Variants in FMN1 observed in about 807,000 individuals in gnomAD.
FMN1 encodes formin 1.
Under a neutral mutation model 132.4 loss-of-function variants are expected in FMN1, and 110 were observed. The ratio of observed to expected loss-of-function variants is 0.83; its 90% CI spans 0.71 to 0.97. FMN1 has a LOEUF of 0.97. Among genes scored for constraint, FMN1 ranks in the 50% least tolerant of loss-of-function variants. The probability of loss-of-function intolerance (pLI) is 0.00; values close to 1 mark genes in which losing one functional copy is unlikely to be tolerated. For missense variants in FMN1, 1,792 were observed against 1,705.3 expected, an observed-to-expected ratio of 1.05 and a Z score of -0.90; for synonymous variants, 722 against 651.7, an observed-to-expected ratio of 1.11 and a Z score of -1.64.
rs1426709798 is a variant in FMN1 at position 33,154,170 on chromosome 15, C to T, written c.745G>A (p.Gly249Ser). 1 of 1,536,358 alleles carries T rather than the reference C, an allele frequency of 6.5e-7. No individual in the cohort carries two copies. The highest frequency in any genetic ancestry group is 2.4e-5 in the East Asian group (1 of 40,912). ...AAAGCCGTCTCAAAGCTCCCAAAGC[C>T]AAGGTCTGTGTCTGGCGTCTTGGGA... ...DIPKTPDTDL[G>S]FGSFETAFKD... The change falls in exon 4 of 21, where the codon GGC (glycine) becomes AGC (serine). Residue 249 changes from glycine (G) to serine (S), a missense_variant. Physicochemically the swap from Gly to Ser is moderately conservative, Grantham distance 56. Transcript: ENST00000616417.
chr15:33,101,492 G>A (rs1215595952), intron 4 of FMN1, among the ~76,000 whole-genome samples: 3 of 151,986 alleles, frequency 2.0e-5, no homozygotes, highest in African/African-American at 7.3e-5. Flanking sequence ...AATGTTTTAA[G>A]CAAAGTTTAT....
In FMN1 at chr15:33,058,496, G is replaced by A. The variant is rs535031412; in HGVS notation, c.2161+6461C>T. On this transcript the variant is annotated intron_variant, in intron 6 of 20. Transcript: ENST00000616417. The stretch of plus-strand genomic sequence containing the variant: ...CTACACAAACTGTGGCTCAATGAAC[G>A]GTAGTTGAATGAACCTCACCTTAAC... Among the ~76,000 whole-genome samples the A allele has an allele frequency of 4.1e-4, 63 of 152,262 alleles. 1 individual carries two copies. In the South Asian group the frequency reaches 7.9e-3, roughly 19 times the overall value.
chr15:33,083,213 G>A (rs192912630), intron 5 of FMN1, among the ~76,000 whole-genome samples: 65 of 152,280 alleles, frequency 4.3e-4, no homozygotes, highest in Admixed American at 3.8e-3. Flanking sequence ...AGCCATAGAA[G>A]TAGTAATAAT....
intron 6 of FMN1, among the ~76,000 whole-genome samples, chr15:33,026,860 C>T (rs909083226): frequency 2.6e-5 from 4 of 152,138 alleles, no homozygotes; most frequent in Non-Finnish European, 4.4e-5. Context: ...GGAGACAGGA[C>T]ACTTGCATTT....
At chr15:33,174,412 T>C (rs892858479) in intron 3 of FMN1, among the ~76,000 whole-genome samples, 2 of 152,186 alleles carry the variant, frequency 1.3e-5, no homozygotes, top group Non-Finnish European at 2.9e-5. Flanking sequence ...AAAGAGCATA[T>C]GCTTGGATGA....
rs2056283472 is a variant in FMN1, at chr15:32,772,537, G to A, written c.*1773C>T. On this transcript the variant is annotated 3_prime_UTR_variant, in exon 21 of 21. Transcript: ENST00000616417. ...ACTATGTAAGAAAGCAGCATAAAAA[G>A]CTTCTTGCTCACAAGCAACTTCAAG... 6.6e-6 allele frequency: 1 copy of A among 152,216 alleles called. No homozygotes were observed. Among genetic ancestry groups the A allele is most frequent in the Admixed American group, 6.5e-5 (1 of 15,276 alleles). The allele number at this position is 152,216 out of a possible 1,614,324, so 9.4% of individuals were successfully genotyped here.
intron 9 of FMN1, among the ~76,000 whole-genome samples, chr15:32,960,905 GA>G (rs1168986635): frequency 2.2e-5 from 3 of 135,676 alleles, no homozygotes; most frequent in Non-Finnish European, 4.6e-5. Flanking sequence ...TGAAGCAGGA[GA>G]ATTGCTTGAA....
At chr15:32,815,099 C>T (rs956296006) in intron 17 of FMN1, among the ~76,000 whole-genome samples, 27 of 152,180 alleles carry the variant, frequency 1.8e-4, no homozygotes, top group Non-Finnish European at 3.2e-4. Context: ...CCCGCCACCA[C>T]GCCCGGCTAA....
At chr15:33,007,557 C>A (rs1212520527) in intron 7 of FMN1, among the ~76,000 whole-genome samples, 2 of 152,112 alleles carry the variant, frequency 1.3e-5, no homozygotes, top group East Asian at 3.9e-4. Flanking sequence ...GCTCAGAACT[C>A]CTCCTCCTCC....
At position 32,918,329 on chromosome 15, in the gene FMN1, T is replaced by C. The variant is rs188868487; in HGVS notation, c.3227-7794A>G. On this transcript the variant is annotated intron_variant, in intron 10 of 20. Coordinates refer to ENST00000616417, the MANE Select transcript of FMN1 (RefSeq NM_001277313.2). ...AGATAAAAAAAAAATCAAGAGACTATAGTATAGTTTATAATCTTATCTAAA... is the reference window on the plus strand; with the variant it reads ...AGATAAAAAAAAAATCAAGAGACTACAGTATAGTTTATAATCTTATCTAAA... Among the ~76,000 whole-genome samples, 325 of 152,186 alleles carry C rather than the reference T, an allele frequency of 2.1e-3. 1 individual carries two copies. The highest frequency in any genetic ancestry group is 3.4e-3 in the Non-Finnish European group (230 of 68,000).
intron 6 of FMN1, among the ~76,000 whole-genome samples, chr15:33,029,422 G>A (rs144462127): frequency 6.6e-6 from 1 of 152,090 alleles, no homozygotes; most frequent in Non-Finnish European, 1.5e-5. Flanking sequence ...GAGGGAGATG[G>A]AAAATACTTG....
chr15:32,918,265 C>T lies in FMN1; in HGVS notation c.3227-7730G>A, dbSNP rs372314898. Among the ~76,000 whole-genome samples, 24 of 152,018 alleles carry T rather than the reference C, an allele frequency of 1.6e-4. No individual in the cohort carries two copies. In the South Asian group the frequency reaches 2.5e-3, roughly 16 times the overall value. On this transcript the variant is annotated intron_variant, in intron 10 of 20. Transcript: ENST00000616417. ...GACTAACAAGGAAAACTAAGGCACA[C>T]AGCACACGAAGAAACACAAACAAAA...
At chr15:32,905,113 C>T (rs749973681) in intron 12 of FMN1, among the ~76,000 whole-genome samples, 1 of 152,180 alleles carries the variant, frequency 6.6e-6, no homozygotes, top group Non-Finnish European at 1.5e-5. Flanking sequence ...GCTAATACTT[C>T]TAGGAAGGAC....
chr15:32,960,514 A>T (rs117571765), intron 9 of FMN1, among the ~76,000 whole-genome samples: 1,568 of 152,344 alleles, frequency 0.01, 9 homozygotes, highest in Admixed American at 0.017. Context: ...CAACACAATT[A>T]CAGTGACCTT....
intron 6 of FMN1, among the ~76,000 whole-genome samples, chr15:33,013,240 A>C (rs1022046292): frequency 6.6e-6 from 1 of 152,234 alleles, no homozygotes; most frequent in Non-Finnish European, 1.5e-5. Context: ...AAAAGAGTTA[A>C]GGACCATATT....
intron 19 of FMN1, among the ~76,000 whole-genome samples, chr15:32,794,331 T>A (rs532102263): frequency 2.8e-4 from 42 of 152,200 alleles, no homozygotes; most frequent in African/African-American, 9.9e-4. Flanking sequence ...CATTATGGGG[T>A]TTTTAAATGG....
At chr15:32,957,689 G>C (rs2840060) in intron 9 of FMN1, among the ~76,000 whole-genome samples, 2 of 152,036 alleles carry the variant, frequency 1.3e-5, no homozygotes, top group Non-Finnish European at 1.5e-5. Context: ...TTTCACATTA[G>C]TTCATAAACT....
At chr15:32,863,265 A>C (rs558968841) in intron 16 of FMN1, among the ~76,000 whole-genome samples, 1 of 151,978 alleles carries the variant, frequency 6.6e-6, no homozygotes. Flanking sequence ...GTGAAACCCC[A>C]TCTCTACTAA....
At chr15:32,974,303 C>G (rs1450112) in intron 7 of FMN1, among the ~76,000 whole-genome samples, 42,669 of 152,104 alleles carry the variant, frequency 0.28, 7,490 homozygotes, top group East Asian at 0.58. Context: ...GGTTTGATAT[C>G]TTTCCAGTCT....
Sources: gnomAD v4.1 joint callset for allele counts (sites outside exome capture counted in the v4.1 genomes callset) on GRCh38, gnomAD v4.1.1 for gene constraint, MANE v1.5 for transcripts, NCBI Gene and HGNC (gene_info 2026-07-23, HGNC 2026-07-21) for gene names.